Variants in SRGAP3 observed in about 807,000 individuals in gnomAD.
The protein encoded by SRGAP3 is SLIT-ROBO Rho GTPase-activating protein 3.
Under a neutral mutation model 121.1 loss-of-function variants are expected in SRGAP3, and 39 were observed. The ratio of observed to expected loss-of-function variants is 0.32; its 90% CI spans 0.25 to 0.42. The LOEUF is 0.42. Among genes scored for constraint, SRGAP3 ranks in the 10% least tolerant of loss-of-function variants. The probability of loss-of-function intolerance (pLI) is 1.00; values close to 1 mark genes in which losing one functional copy is unlikely to be tolerated. For missense variants in SRGAP3, 1,213 were observed against 1,470.6 expected (o/e 0.82, Z 2.86); for synonymous variants, 601 against 570.0 (o/e 1.05, Z -0.77).
At chr3:9,093,115 G>A (rs1407228893) in intron 3 of SRGAP3, among the ~76,000 whole-genome samples, 3 of 152,118 alleles carry the variant, frequency 2.0e-5, no homozygotes, top group Non-Finnish European at 4.4e-5. Context: ...AGTTTTGAGA[G>A]GCTTTCTCCC....
rs755417044 is a variant in SRGAP3, at chr3:9,234,396, G to A, written c.67+14489C>T. Reference sequence around the variant, plus strand: ...CACTGAGTTGGAGAACAGCCATGTCGCTTGGCCAGTTCACATTCTTTAGTA... The same window carrying A: ...CACTGAGTTGGAGAACAGCCATGTCACTTGGCCAGTTCACATTCTTTAGTA... On this transcript the variant is annotated intron_variant, in intron 1 of 21. Transcript: ENST00000383836. 2.2e-4 allele frequency among the ~76,000 whole-genome samples: 34 copies of A among 152,006 alleles called. 1 individual carries two copies. The highest frequency in any genetic ancestry group is 3.1e-4 in the Non-Finnish European group (21 of 68,004).
Position 9,345,098 on chromosome 3 carries a change from C to T in SRGAP3, n.215-14502G>A, listed in dbSNP as rs533672103. Among the ~76,000 whole-genome samples, 23 of 152,222 alleles carry T rather than the reference C, an allele frequency of 1.5e-4. No homozygotes were observed. The South Asian group carries it at 2.7e-3, about 18-fold the overall frequency. Reference sequence around the variant, plus strand: ...CTAAACCTGTTGCCAAATACTCTCCCAGAAAGGTCTTATCCAATACTTCTA... The same window carrying T: ...CTAAACCTGTTGCCAAATACTCTCCTAGAAAGGTCTTATCCAATACTTCTA... On this transcript the variant is annotated intron_variant and non_coding_transcript_variant, in intron 1 of 3. Coordinates refer to the SRGAP3 transcript ENST00000490889.
rs190713449 is a variant in SRGAP3, at chr3:9,162,139, T to A, written c.68-37222A>T. On this transcript the variant is annotated intron_variant, in intron 1 of 21. Coordinates refer to ENST00000383836, the MANE Select transcript of SRGAP3 (RefSeq NM_014850.4). ...AAGTTCATAGAGACAGAGAGAGGAG[T>A]GCTGGGTGCCAGGGACTGAGAGAAA... 6.2e-3 allele frequency among the ~76,000 whole-genome samples: 941 copies of A among 151,760 alleles called. 4 individuals are homozygous for A. The highest frequency in any genetic ancestry group is 0.011 in the Non-Finnish European group (728 of 67,914).
At chr3:9,168,070 G>A (rs1260217527) in intron 1 of SRGAP3, among the ~76,000 whole-genome samples, 1 of 152,180 alleles carries the variant, frequency 6.6e-6, no homozygotes, top group Non-Finnish European at 1.5e-5. Flanking sequence ...CTTCTGCAGG[G>A]CAGTAAAAGG....
At chr3:9,326,441 T>C (rs4053781) in intron 2 of SRGAP3, among the ~76,000 whole-genome samples, 5,643 of 151,966 alleles carry the variant, frequency 0.037, 364 homozygotes, top group African/African-American at 0.13. Context: ...ATTTCCACAA[T>C]GTATAAGTCA....
At chr3:9,353,151 T>A (rs1485798888) in intron 1 of SRGAP3, among the ~76,000 whole-genome samples, 1 of 152,242 alleles carries the variant, frequency 6.6e-6, no homozygotes, top group Non-Finnish European at 1.5e-5. Context: ...CAGCTGCCCC[T>A]TTGTGCAGGA....
chr3:9,259,382 G>T (rs562297514), intron 3 of SRGAP3, among the ~76,000 whole-genome samples: 2 of 152,206 alleles, frequency 1.3e-5, no homozygotes, highest in Middle Eastern at 3.4e-3. Flanking sequence ...GGGCTCAAGC[G>T]ATCCTCCCCT....
intron 3 of SRGAP3, among the ~76,000 whole-genome samples, chr3:9,259,222 C>A (rs965524505): frequency 6.6e-6 from 1 of 150,896 alleles, no homozygotes; most frequent in African/African-American, 2.4e-5. Context: ...TCTTTTTTTT[C>A]ATATGGCTAC....
In SRGAP3 at chr3:9,272,119, T is replaced by C. The variant is rs1954488797; in HGVS notation, n.442+53891A>G. Reference sequence around the variant, plus strand: ...TGCCTTTACTGGGCAGCTAGGACCTTACCCACAGGTCATTCACAGCCCCCT... The same window carrying C: ...TGCCTTTACTGGGCAGCTAGGACCTCACCCACAGGTCATTCACAGCCCCCT... On this transcript the variant is annotated intron_variant and non_coding_transcript_variant, in intron 3 of 3. Transcript: ENST00000490889. Among the ~76,000 whole-genome samples, 3 of 152,234 alleles carry C rather than the reference T, an allele frequency of 2.0e-5. No homozygotes were observed. The South Asian group carries it at 6.2e-4, about 32-fold the overall frequency.
intron 6 of SRGAP3, chr3:9,059,688 G>A (rs1946035171): frequency 4.9e-6 from 1 of 205,484 alleles, no homozygotes; most frequent in Admixed American, 5.3e-5. Flanking sequence ...CGGGTACTCG[G>A]GAGTCAGTGT....
At chr3:9,159,773 A>G (rs925491985) in intron 1 of SRGAP3, among the ~76,000 whole-genome samples, 2 of 152,188 alleles carry the variant, frequency 1.3e-5, no homozygotes, top group South Asian at 4.1e-4. Context: ...TCCCCCAACT[A>G]TAAGTGCGCC....
At chr3:9,203,947 G>GC (rs1408189426) in intron 1 of SRGAP3, among the ~76,000 whole-genome samples, 2 of 152,134 alleles carry the variant, frequency 1.3e-5, no homozygotes, top group African/African-American at 4.8e-5. Context: ...CTGGTCTCTG[G>GC]CCTGCTAAGG....
chr3:9,320,901 TTA>T (rs769918525), intron 3 of SRGAP3, among the ~76,000 whole-genome samples: 3 of 151,684 alleles, frequency 2.0e-5, no homozygotes, highest in African/African-American at 2.4e-5. Flanking sequence ...TATGTTCACA[TTA>T]TATATATATA....
intron 21 of SRGAP3, 25 bp downstream of exon 21, chr3:8,990,487 A>G (rs1369338518): frequency 1.3e-6 from 2 of 1,549,762 alleles, no homozygotes; most frequent in South Asian, 1.2e-5. Context: ...TTGGCTGCCC[A>G]GCCTGCCTTC....
intron 8 of SRGAP3, among the ~76,000 whole-genome samples, chr3:9,054,245 A>G (rs1017622277): frequency 2.0e-5 from 3 of 152,180 alleles, no homozygotes; most frequent in African/African-American, 7.2e-5. Flanking sequence ...AACCTACTTC[A>G]TTATACCCTC....
At chr3:9,077,967 C>T (rs955140411) in intron 4 of SRGAP3, among the ~76,000 whole-genome samples, 2 of 152,206 alleles carry the variant, frequency 1.3e-5, no homozygotes, top group African/African-American at 4.8e-5. Flanking sequence ...CAAGACCTGA[C>T]TCCCAGGGAG....
At chr3:9,160,702 A>G (rs1323594810) in intron 1 of SRGAP3, among the ~76,000 whole-genome samples, 5 of 152,240 alleles carry the variant, frequency 3.3e-5, no homozygotes, top group Non-Finnish European at 5.9e-5. Context: ...TTTATTTCAC[A>G]GCAATAAATA....
At chr3:9,258,682 T>C (rs1954186316) in intron 3 of SRGAP3, among the ~76,000 whole-genome samples, 1 of 152,246 alleles carries the variant, frequency 6.6e-6, no homozygotes, top group Non-Finnish European at 1.5e-5. Flanking sequence ...TGGCACCACA[T>C]ACCAGGTGCT....
At chr3:9,260,023 C>T (rs1574951173) in intron 3 of SRGAP3, among the ~76,000 whole-genome samples, 1 of 152,034 alleles carries the variant, frequency 6.6e-6, no homozygotes, top group East Asian at 1.9e-4. Context: ...GGTGGGGCGT[C>T]GCCTTACCTG....
Sources: gnomAD v4.1 joint callset for allele counts (sites outside exome capture counted in the v4.1 genomes callset) on GRCh38, gnomAD v4.1.1 for gene constraint, MANE v1.5 for transcripts, NCBI Gene and HGNC (gene_info 2026-07-23, HGNC 2026-07-21) for gene names.